The following PDE10A variants were observed in gnomAD, a reference collection of about 807,000 sequenced individuals.
PDE10A encodes cAMP and cAMP-inhibited cGMP 3',5'-cyclic phosphodiesterase 10A.
PDE10A carries 39 observed loss-of-function variants against 97.7 expected under a neutral mutation model. The ratio of observed to expected loss-of-function variants is 0.40; its 90% CI spans 0.31 to 0.52. The LOEUF (loss-of-function observed/expected upper bound fraction) is 0.52, where lower values mean the gene tolerates loss of function less well. Among genes scored for constraint, PDE10A ranks in the 20% least tolerant of loss-of-function variants. PDE10A has a pLI of 0.56. For missense variants in PDE10A, 731 were observed against 1,047.8 expected (o/e 0.70, Z 4.17); for synonymous variants, 371 against 376.8 (o/e 0.98, Z 0.18).
At chr6:165,396,598 C>T in intron 13 of PDE10A, 139 bp from the exon 14 acceptor site, 1 of 775,292 alleles carries the variant, frequency 1.3e-6, no homozygotes, top group Non-Finnish European at 2.0e-6. Flanking sequence ...TCCGTATTTC[C>T]ATATGCACTG....
intron 13 of PDE10A, among the ~76,000 whole-genome samples, chr6:165,405,544 C>T (rs1240441255): frequency 6.6e-6 from 1 of 152,202 alleles, no homozygotes; most frequent in Non-Finnish European, 1.5e-5. Flanking sequence ...GGACTACGCA[C>T]TGTTCTAAGA....
intron 13 of PDE10A, 132 bp from the exon 14 acceptor site, chr6:165,396,591 G>GT (rs1368107523): frequency 3.6e-6 from 3 of 840,842 alleles, no homozygotes; most frequent in South Asian, 1.9e-5. Context: ...ATTATTATCC[G>GT]TATTTCCATA....
At chr6:165,624,566 C>G (rs932102306) in intron 1 of PDE10A, among the ~76,000 whole-genome samples, 2 of 152,184 alleles carry the variant, frequency 1.3e-5, no homozygotes. Flanking sequence ...GTTCAAAATT[C>G]CAGCCCCTAA....
intron 1 of PDE10A, among the ~76,000 whole-genome samples, chr6:165,839,050 C>G (rs1422243156): frequency 6.6e-6 from 1 of 152,162 alleles, no homozygotes; most frequent in East Asian, 1.9e-4. Context: ...GTAATCCTTT[C>G]CTGGTTTGAT....
chr6:165,812,951 A>T (rs1014548814), intron 1 of PDE10A, among the ~76,000 whole-genome samples: 2 of 152,188 alleles, frequency 1.3e-5, no homozygotes, highest in African/African-American at 4.8e-5. Context: ...TCTGCAAAGT[A>T]TCCACCCCTA....
intron 1 of PDE10A, among the ~76,000 whole-genome samples, chr6:165,659,152 T>C (rs574035898): frequency 6.0e-4 from 92 of 152,222 alleles, no homozygotes; most frequent in African/African-American, 2.1e-3. Context: ...TGGCATATCA[T>C]ACCCTCTACA....
In PDE10A at chr6:165,655,480, T is replaced by C. The variant is rs1429012978; in HGVS notation, c.865+6467A>G. Among the ~76,000 whole-genome samples the C allele has an allele frequency of 6.6e-6, 1 of 151,344 alleles. No individual in the cohort carries two copies. Among genetic ancestry groups the C allele is most frequent in the African/African-American group, 2.4e-5 (1 of 41,080 alleles). ...CCCAGGCATGGATTCTTGATTCCTC[T>C]CTCTCCCTTGACGTCCCCATATCCA... On this transcript the variant is annotated intron_variant, in intron 1 of 21. Transcript: ENST00000539869. This position sits in a 1 kb window ranked among gnomAD's most constrained non-coding sequence, Gnocchi z 4.5.
At chr6:165,732,393 A>C (rs1005788583) in intron 1 of PDE10A, among the ~76,000 whole-genome samples, 2 of 152,210 alleles carry the variant, frequency 1.3e-5, no homozygotes, top group Admixed American at 6.5e-5. Context: ...AGCCACACAG[A>C]TGTGCTGACT....
chr6:165,754,568 A>C (rs8180566), intron 1 of PDE10A, among the ~76,000 whole-genome samples: 128,719 of 151,792 alleles, frequency 0.85, 54,668 homozygotes, highest in East Asian at 0.95. Context: ...GTTTCTCTCT[A>C]TATATATATA....
intron 1 of PDE10A, among the ~76,000 whole-genome samples, chr6:165,761,405 C>G (rs552403704): frequency 6.6e-6 from 1 of 152,264 alleles, no homozygotes; most frequent in Admixed American, 6.5e-5. Context: ...TGACACAGAT[C>G]TTTCTTTCCT....
intron 3 of PDE10A, among the ~76,000 whole-genome samples, chr6:165,457,412 C>T (rs142985758): frequency 9.3e-4 from 142 of 152,226 alleles, no homozygotes; most frequent in African/African-American, 3.1e-3. Flanking sequence ...TTCTGTTCCA[C>T]GCTGATTTCA....
chr6:165,953,518 G>A (rs1784035508), intron 1 of PDE10A, among the ~76,000 whole-genome samples: 1 of 151,920 alleles, frequency 6.6e-6, no homozygotes, highest in African/African-American at 2.4e-5. Flanking sequence ...TTGAACCCAG[G>A]AAGCGGAGGT....
chr6:165,479,687 CTAT>C (rs1426293282), intron 3 of PDE10A, among the ~76,000 whole-genome samples: 1 of 152,298 alleles, frequency 6.6e-6, no homozygotes, highest in East Asian at 1.9e-4. Context: ...CCCCTCTATA[CTAT>C]GAGAACCTGA....
At chr6:165,533,792 T>A (rs1782919477) in intron 2 of PDE10A, among the ~76,000 whole-genome samples, 1 of 152,158 alleles carries the variant, frequency 6.6e-6, no homozygotes, top group South Asian at 2.1e-4. Context: ...TTTCATAGGG[T>A]TTTAATTTGT....
At chr6:165,746,521 G>A (rs1792847259) in intron 1 of PDE10A, among the ~76,000 whole-genome samples, 1 of 152,228 alleles carries the variant, frequency 6.6e-6, no homozygotes, top group South Asian at 2.1e-4. Context: ...TTTTCCCAGA[G>A]ATACAAATAC....
Position 165,431,406 on chromosome 6 carries a change from C to T in PDE10A, c.1542+16G>A. 1 of 1,575,864 alleles carries T rather than the reference C, an allele frequency of 6.3e-7. No individual in the cohort carries two copies. The highest frequency in any genetic ancestry group is 8.6e-7 in the Non-Finnish European group (1 of 1,156,352). On this transcript the variant is annotated intron_variant, in intron 8 of 21. Coordinates refer to ENST00000539869, the MANE Select transcript of PDE10A (RefSeq NM_001385079.1). Reference sequence around the variant, plus strand: ...CTCCCTTAGGAAGCCCCTGCAAAAACACCCCAAAGACTCACCTGCACCTGA... The same window carrying T: ...CTCCCTTAGGAAGCCCCTGCAAAAATACCCCAAAGACTCACCTGCACCTGA...
chr6:165,521,134 A>G lies in PDE10A; in HGVS notation c.994+22306T>C, dbSNP rs551680220. On this transcript the variant is annotated intron_variant, in intron 2 of 21. Coordinates refer to ENST00000539869, the MANE Select transcript of PDE10A (RefSeq NM_001385079.1). ...CATTATATCTGTTATAGTGATCTGTAATCAGTGATCTTTGATGATATTACT... is the reference window on the plus strand; with the variant it reads ...CATTATATCTGTTATAGTGATCTGTGATCAGTGATCTTTGATGATATTACT... 7.9e-5 allele frequency among the ~76,000 whole-genome samples: 12 copies of G among 152,290 alleles called. No homozygotes were observed. The East Asian group carries it at 1.7e-3, about 22-fold the overall frequency.
At chr6:165,635,355 G>A (rs1055050075) in intron 1 of PDE10A, among the ~76,000 whole-genome samples, 22 of 152,282 alleles carry the variant, frequency 1.4e-4, no homozygotes, top group African/African-American at 4.6e-4. Context: ...CATTGGTGGG[G>A]GTAGTGGTTA....
In PDE10A at chr6:165,662,805, T is replaced by A. The variant is rs1790355895; in HGVS notation, c.7A>T (p.Ser3Cys). Among the ~76,000 whole-genome samples the A allele has an allele frequency of 6.9e-6, 1 of 145,664 alleles. No individual in the cohort carries two copies. Among genetic ancestry groups the A allele is most frequent in the South Asian group, 2.3e-4 (1 of 4,354 alleles). Residue 3 changes from serine to cysteine, a missense_variant, in exon 1 of 22, where the codon AGC becomes TGC. Physicochemically the swap from Ser to Cys is moderately radical, Grantham distance 112 (BLOSUM62 -1). Coordinates refer to ENST00000539869, the MANE Select transcript of PDE10A (RefSeq NM_001385079.1). ...CGGGGAGCAAGAGGCTCCTCGAGGC[T>A]GGCCATGGTTCCTCCCCGGGCCGCG... MA[S>C]LEEPLAPRPQ...
Sources: allele counts gnomAD v4.1 joint callset (sites outside exome capture counted in the v4.1 genomes callset), GRCh38; gene constraint gnomAD v4.1.1; non-coding constraint Gnocchi (gnomAD v3.1); transcripts MANE v1.5; gene names NCBI Gene and HGNC (gene_info 2026-07-23, HGNC 2026-07-21).